The following IL1RAPL1 variants were observed in gnomAD, a reference collection of about 807,000 sequenced individuals.
The protein encoded by IL1RAPL1 is interleukin-1 receptor accessory protein-like 1.
IL1RAPL1 carries 3 observed loss-of-function variants against 48.4 expected under a neutral mutation model. That is an observed-to-expected ratio of 0.06 (90% CI 0.03 to 0.16). IL1RAPL1 has a LOEUF of 0.16. Ranked by LOEUF, IL1RAPL1 falls within the 10% of genes least tolerant of loss-of-function variation. The pLI is 1.00. For missense variants in IL1RAPL1, 349 were observed against 530.6 expected, an observed-to-expected ratio of 0.66 and a Z score of 3.36; for synonymous variants, 185 against 187.7, an observed-to-expected ratio of 0.99 and a Z score of 0.12.
intron 2 of IL1RAPL1, among the ~76,000 whole-genome samples, chrX:29,156,865 A>G (rs112220045): frequency 3.9e-5 from 4 of 102,553 alleles, no homozygotes; most frequent in Non-Finnish European, 8.1e-5. Context: ...AAAAGTTACC[A>G]AAGATCCAAT....
At chrX:29,353,957 C>G (rs1602190429) in intron 3 of IL1RAPL1, among the ~76,000 whole-genome samples, 1 of 109,085 alleles carries the variant, frequency 9.2e-6, no homozygotes, top group Non-Finnish European at 1.9e-5. Context: ...CTCAGAAAAC[C>G]TATGAGGTTC....
chrX:29,094,771 CAAAAAAAAAAAAAAA>C (rs1163805144), intron 2 of IL1RAPL1, among the ~76,000 whole-genome samples: 2 of 5,907 alleles, frequency 3.4e-4, no homozygotes, highest in East Asian at 0.011. Flanking sequence ...AACTCCATCT[CAAAAAAAAAAAAAAA>C]AAAAAAAAAA....
chrX:29,473,210 T>C (rs150265073), intron 5 of IL1RAPL1, among the ~76,000 whole-genome samples: 81 of 111,890 alleles, frequency 7.2e-4, no homozygotes, highest in African/African-American at 2.4e-3. Context: ...TATGTGTGTC[T>C]CTTTGTGCAA....
At chrX:29,309,071 G>A (rs978639853) in intron 3 of IL1RAPL1, among the ~76,000 whole-genome samples, 3 of 112,488 alleles carry the variant, frequency 2.7e-5, no homozygotes, top group African/African-American at 9.7e-5. Flanking sequence ...TAGGACATAA[G>A]TCAATATTGT....
In IL1RAPL1 at chrX:28,824,024, C is replaced by T. The variant is rs73631604; in HGVS notation, c.82+34599C>T. Among the ~76,000 whole-genome samples, 763 of 111,662 alleles carry T rather than the reference C, an allele frequency of 6.8e-3. 11 individuals carry two copies. The highest frequency in any genetic ancestry group is 0.023 in the African/African-American group (720 of 30,838). On this transcript the variant is annotated intron_variant, in intron 2 of 10. Transcript: ENST00000378993. The stretch of plus-strand genomic sequence containing the variant: ...TTTATTTTTCAATCTTACTGGTACC[C>T]TCTGCCTGTTTAAAAATGTAAATTG...
chrX:28,671,226 C>CTA (rs1934944470), intron 1 of IL1RAPL1, among the ~76,000 whole-genome samples: 1 of 112,100 alleles, frequency 8.9e-6, no homozygotes, highest in Admixed American at 9.5e-5. Flanking sequence ...ACTTTTGTAT[C>CTA]TAGACTGAAC....
At chrX:29,448,496 AACATAT>A (rs1934637536) in intron 5 of IL1RAPL1, among the ~76,000 whole-genome samples, 1 of 112,360 alleles carries the variant, frequency 8.9e-6, no homozygotes, top group South Asian at 3.6e-4. Flanking sequence ...AATAATTTTA[AACATAT>A]ACATATACTA....
At chrX:29,162,963 C>T (rs1231027585) in intron 2 of IL1RAPL1, among the ~76,000 whole-genome samples, 4 of 109,297 alleles carry the variant, frequency 3.7e-5, no homozygotes, top group African/African-American at 6.7e-5. Flanking sequence ...ATCCCAGCTA[C>T]TCGGGAGGCT....
chrX:29,688,598 G>A (rs967089660), intron 6 of IL1RAPL1, among the ~76,000 whole-genome samples: 2 of 111,397 alleles, frequency 1.8e-5, no homozygotes, highest in African/African-American at 6.5e-5. Flanking sequence ...AGGCGGGCAC[G>A]ATTGAACCCA....
chrX:29,514,772 A>G (rs545984048), intron 5 of IL1RAPL1, among the ~76,000 whole-genome samples: 4 of 112,639 alleles, frequency 3.6e-5, no homozygotes, highest in South Asian at 3.6e-4. Context: ...ATATGCAGCT[A>G]TATTTATCCA....
At chrX:28,617,651 A>G (rs991642129) in intron 1 of IL1RAPL1, among the ~76,000 whole-genome samples, 1 of 112,204 alleles carries the variant, frequency 8.9e-6, no homozygotes, top group African/African-American at 3.2e-5. Context: ...GTTTAACCAG[A>G]TATGGGATCT....
intron 6 of IL1RAPL1, among the ~76,000 whole-genome samples, chrX:29,749,123 T>C (rs187207682): frequency 4.6e-4 from 51 of 111,609 alleles, no homozygotes; most frequent in African/African-American, 1.7e-3. Context: ...GGGAATGAAA[T>C]TGTAAAGGGA....
intron 6 of IL1RAPL1, among the ~76,000 whole-genome samples, chrX:29,677,902 C>T (rs1045591952): frequency 1.8e-5 from 2 of 111,647 alleles, no homozygotes; most frequent in African/African-American, 6.5e-5. Flanking sequence ...ATGCTTTGAA[C>T]GCCATCCTAC....
At chrX:29,841,602 C>T (rs1931137215) in intron 6 of IL1RAPL1, among the ~76,000 whole-genome samples, 1 of 111,345 alleles carries the variant, frequency 9.0e-6, no homozygotes, top group Admixed American at 9.6e-5. Context: ...TATAGTGATA[C>T]AAAGATGATA....
chrX:29,279,049 A>G (rs189209024), intron 2 of IL1RAPL1, among the ~76,000 whole-genome samples: 1 of 112,490 alleles, frequency 8.9e-6, no homozygotes, highest in East Asian at 2.8e-4. Flanking sequence ...ACCGTTAACA[A>G]AGGAAAAAAA....
chrX:29,008,460 G>A (rs1234199450), intron 2 of IL1RAPL1, among the ~76,000 whole-genome samples: 2 of 112,042 alleles, frequency 1.8e-5, no homozygotes, highest in Non-Finnish European at 3.8e-5. Context: ...ACAGGCGTGA[G>A]CCACCGCGCG....
intron 1 of IL1RAPL1, among the ~76,000 whole-genome samples, chrX:28,652,255 C>T (rs1379738669): frequency 9.0e-6 from 1 of 111,145 alleles, no homozygotes; most frequent in Non-Finnish European, 1.9e-5. Flanking sequence ...CTCCCCTCCA[C>T]ACTGTAAAAT....
chrX:28,846,566 C>T (rs1417629549), intron 2 of IL1RAPL1, among the ~76,000 whole-genome samples: 1 of 111,150 alleles, frequency 9.0e-6, no homozygotes, highest in South Asian at 3.8e-4. Flanking sequence ...GTTCCTGTTG[C>T]TCCGTATTCT....
intron 6 of IL1RAPL1, among the ~76,000 whole-genome samples, chrX:29,703,301 C>T (rs1246830041): frequency 1.8e-5 from 2 of 110,885 alleles, no homozygotes; most frequent in Non-Finnish European, 3.8e-5. Flanking sequence ...CTGGTTCTTG[C>T]ACATGGAATA....
Sources: allele counts gnomAD v4.1 joint callset (sites outside exome capture counted in the v4.1 genomes callset), GRCh38; gene constraint gnomAD v4.1.1; transcripts MANE v1.5; gene names NCBI Gene and HGNC (gene_info 2026-07-23, HGNC 2026-07-21).